The following IMMP2L variants were observed in gnomAD, a reference collection of about 807,000 sequenced individuals.
IMMP2L encodes the protein inner mitochondrial membrane peptidase subunit 2, also known as mitochondrial inner membrane protease subunit 2.
In IMMP2L, 18 loss-of-function variants were observed where a neutral mutation model predicts 19.3. The ratio of observed to expected loss-of-function variants is 0.93; its 90% CI spans 0.64 to 1.38. The LOEUF is 1.38. Among genes scored for constraint, IMMP2L ranks in the 40% most tolerant of loss-of-function variants. The pLI is 0.00. For missense variants in IMMP2L, 233 were observed against 218.2 expected, an observed-to-expected ratio of 1.07 and a Z score of -0.43; for synonymous variants, 76 against 73.0, an observed-to-expected ratio of 1.04 and a Z score of -0.21.
Position 111,123,462 on chromosome 7 carries a change from C to A in IMMP2L, c.240-159897G>T. 6.2e-7 allele frequency: 1 copy of A among 1,613,638 alleles called. No individual in the cohort carries two copies. The highest frequency in any genetic ancestry group is 8.5e-7 in the Non-Finnish European group (1 of 1,179,840). ...TAAACCTCACAGAAATACCAGATAACGCCTTGGTTGGACTGGAAAACTTAG... is the reference window on the plus strand; with the variant it reads ...TAAACCTCACAGAAATACCAGATAAAGCCTTGGTTGGACTGGAAAACTTAG... On this transcript the variant is annotated intron_variant, in intron 3 of 5. Coordinates refer to ENST00000405709, the MANE Select transcript of IMMP2L (RefSeq NM_032549.4). This position sits in a 1 kb window ranked among gnomAD's most constrained non-coding sequence, Gnocchi z 6.4.
chr7:111,109,852 G>C (rs1360509615), intron 3 of IMMP2L, among the ~76,000 whole-genome samples: 1 of 152,158 alleles, frequency 6.6e-6, no homozygotes, highest in Non-Finnish European at 1.5e-5. Flanking sequence ...AAAGTCTTCA[G>C]GGGCTGGGCG....
At chr7:111,342,378 G>A (rs2130799308) in intron 3 of IMMP2L, among the ~76,000 whole-genome samples, 1 of 152,256 alleles carries the variant, frequency 6.6e-6, no homozygotes, top group East Asian at 1.9e-4. Context: ...CAGATCAAGA[G>A]GTCAGGAGAT....
At chr7:110,829,547 T>A (rs1197034066) in intron 5 of IMMP2L, among the ~76,000 whole-genome samples, 1 of 152,160 alleles carries the variant, frequency 6.6e-6, no homozygotes, top group Non-Finnish European at 1.5e-5. Flanking sequence ...GAAAAAATAT[T>A]CCTTTCCATT....
intron 1 of IMMP2L, among the ~76,000 whole-genome samples, chr7:111,556,018 G>GTATATATATATATATA (rs1554550149): frequency 0.014 from 1,310 of 91,194 alleles, 126 homozygotes; most frequent in East Asian, 0.031. Context: ...CTGTGTGCAT[G>GTATATATATATATATA]TATATATATA....
Position 111,369,965 on chromosome 7 carries a change from A to G in IMMP2L, c.239+117273T>C, listed in dbSNP as rs562673000. On this transcript the variant is annotated intron_variant, in intron 3 of 5. Coordinates refer to ENST00000405709, the MANE Select transcript of IMMP2L (RefSeq NM_032549.4). ...ATAATGTGATCCATGCTAGAAAACAATGGTATTTAGTATAATCTGTTAAGG... is the reference window on the plus strand; with the variant it reads ...ATAATGTGATCCATGCTAGAAAACAGTGGTATTTAGTATAATCTGTTAAGG... Among the ~76,000 whole-genome samples, 3 of 152,134 alleles carry G rather than the reference A, an allele frequency of 2.0e-5. No homozygotes were observed. In the East Asian group the frequency reaches 5.8e-4, roughly 29 times the overall value.
At chr7:110,766,317 G>A (rs979996635) in intron 5 of IMMP2L, among the ~76,000 whole-genome samples, 8 of 152,216 alleles carry the variant, frequency 5.3e-5, no homozygotes, top group East Asian at 1.9e-4. Context: ...GTGGCCGGGC[G>A]CAGTGGCTCA....
chr7:111,485,326 G>A (rs539463806), intron 3 of IMMP2L, among the ~76,000 whole-genome samples: 10 of 152,066 alleles, frequency 6.6e-5, no homozygotes, highest in African/African-American at 2.4e-4. Context: ...CAGGCCGGGC[G>A]CAGTGGCTCA....
intron 3 of IMMP2L, among the ~76,000 whole-genome samples, chr7:111,156,113 A>G (rs912456507): frequency 6.6e-6 from 1 of 152,144 alleles, no homozygotes; most frequent in Non-Finnish European, 1.5e-5. Context: ...TTCTTGACAG[A>G]CATTTCCATT....
At chr7:110,702,702 A>G (rs1196349744) in intron 5 of IMMP2L, among the ~76,000 whole-genome samples, 2 of 152,104 alleles carry the variant, frequency 1.3e-5, no homozygotes, top group Non-Finnish European at 2.9e-5. Flanking sequence ...TAACATTTTC[A>G]ATTTTCAATT....
chr7:111,288,713 A>C (rs1194273385), intron 3 of IMMP2L, among the ~76,000 whole-genome samples: 1 of 152,206 alleles, frequency 6.6e-6, no homozygotes, highest in African/African-American at 2.4e-5. Context: ...GAAAACCACA[A>C]TGAGATACCA....
intron 5 of IMMP2L, among the ~76,000 whole-genome samples, chr7:110,687,795 T>G (rs192134576): frequency 3.9e-5 from 6 of 152,158 alleles, no homozygotes; most frequent in African/African-American, 1.2e-4. Context: ...AATATATCCC[T>G]ACTCACACAC....
chr7:111,286,889 C>T (rs1324968715), intron 3 of IMMP2L, among the ~76,000 whole-genome samples: 1 of 152,112 alleles, frequency 6.6e-6, no homozygotes, highest in Non-Finnish European at 1.5e-5. Context: ...TACACACTTT[C>T]CAAGGCAGGC....
chr7:110,714,485 C>T (rs1046888711), intron 5 of IMMP2L, among the ~76,000 whole-genome samples: 1 of 152,088 alleles, frequency 6.6e-6, no homozygotes, highest in Non-Finnish European at 1.5e-5. Context: ...AAGAATTCCT[C>T]CTCCTCAACT....
At chr7:111,499,454 T>C (rs1843932963) in intron 2 of IMMP2L, among the ~76,000 whole-genome samples, 1 of 152,128 alleles carries the variant, frequency 6.6e-6, no homozygotes, top group African/African-American at 2.4e-5. Flanking sequence ...TATCCGTTAA[T>C]TCATGATATG....
At chr7:110,826,316 A>G (rs898666419) in intron 5 of IMMP2L, among the ~76,000 whole-genome samples, 24 of 152,274 alleles carry the variant, frequency 1.6e-4, no homozygotes, top group African/African-American at 5.5e-4. Context: ...ATACCATTTG[A>G]CCCAGCTATC....
intron 3 of IMMP2L, among the ~76,000 whole-genome samples, chr7:111,243,326 TA>T (rs1431717712): frequency 2.7e-4 from 41 of 152,168 alleles, no homozygotes; most frequent in African/African-American, 9.4e-4. Context: ...AACTATGACA[TA>T]ACTGAGGCAT....
intron 3 of IMMP2L, among the ~76,000 whole-genome samples, chr7:111,226,785 G>A (rs1813153067): frequency 6.6e-6 from 1 of 152,104 alleles, no homozygotes; most frequent in East Asian, 1.9e-4. Context: ...GGCATTATCA[G>A]GTACAGTATC....
At chr7:111,236,326 G>A (rs945616842) in intron 3 of IMMP2L, among the ~76,000 whole-genome samples, 1 of 152,016 alleles carries the variant, frequency 6.6e-6, no homozygotes, top group Non-Finnish European at 1.5e-5. Flanking sequence ...AAGTTACTTG[G>A]GAACAGCAAA....
intron 2 of IMMP2L, among the ~76,000 whole-genome samples, chr7:111,517,123 A>G (rs1225408828): frequency 2.0e-5 from 3 of 152,106 alleles, no homozygotes; most frequent in African/African-American, 7.2e-5. Context: ...TTTTTAAAAA[A>G]AACATAGATT....
Sources: gnomAD v4.1 joint callset for allele counts (sites outside exome capture counted in the v4.1 genomes callset) on GRCh38, gnomAD v4.1.1 for gene constraint, Gnocchi (gnomAD v3.1) non-coding constraint, MANE v1.5 for transcripts, NCBI Gene and HGNC (gene_info 2026-07-23, HGNC 2026-07-21) for gene names.